The following MARS1 variants were observed in gnomAD, a reference collection of about 807,000 sequenced individuals.
MARS1 encodes the protein methionine--tRNA ligase, cytoplasmic.
A neutral mutation model predicts 119.5 loss-of-function variants in MARS1; 80 were observed. That is an observed-to-expected ratio of 0.67 (90% confidence interval 0.56 to 0.81). MARS1 has a LOEUF of 0.81. Among genes scored for constraint, MARS1 ranks in the 30% least tolerant of loss-of-function variants. The pLI, the probability that MARS1 is intolerant of heterozygous loss-of-function variation, is 0.00. For synonymous variants in MARS1, 418 were observed against 433.4 expected, an observed-to-expected ratio of 0.96 and a Z score of 0.44; for missense variants, 945 against 1,116.5, an observed-to-expected ratio of 0.85 and a Z score of 2.19.
chr12:57,506,664 C>T (rs986365943), intron 11 of MARS1, among the ~76,000 whole-genome samples: 5 of 152,072 alleles, frequency 3.3e-5, no homozygotes, highest in African/African-American at 1.2e-4. Context: ...TATGAGCAGT[C>T]TGGGAATACA....
chr12:57,515,912 T>A lies in MARS1; in HGVS notation c.2392-8T>A, dbSNP rs754886014. On this transcript the variant is annotated splice_region_variant and splice_polypyrimidine_tract_variant and intron_variant, in intron 18 of 20. Transcript: ENST00000262027. Reference sequence around the variant, plus strand: ...TCAGTAGATGATTCTGGAACTCTTTTTTTACAGGTCAGTCCCTTGTTCCAA... The same window carrying A: ...TCAGTAGATGATTCTGGAACTCTTTATTTACAGGTCAGTCCCTTGTTCCAA... The A allele has an allele frequency of 3.7e-6, 6 of 1,612,070 alleles. No homozygotes were observed. The highest frequency in any genetic ancestry group is 2.2e-5 in the East Asian group (1 of 44,870).
intron 11 of MARS1, among the ~76,000 whole-genome samples, chr12:57,510,604 TAA>T (rs767292746): frequency 7.0e-6 from 1 of 141,888 alleles, no homozygotes; most frequent in Non-Finnish European, 1.6e-5. Flanking sequence ...CACCCTACCT[TAA>T]AAAAAAAAAA....
At chr12:57,488,766 T>A in intron 1 of MARS1, 2 of 1,057,564 alleles carry the variant, frequency 1.9e-6, no homozygotes, top group Non-Finnish European at 1.4e-6. Flanking sequence ...GCTGCAGCAC[T>A]ATCCCAATAC....
intron 11 of MARS1, among the ~76,000 whole-genome samples, chr12:57,508,693 A>AG (rs371859816): frequency 7.6e-4 from 13 of 16,996 alleles, no homozygotes; most frequent in East Asian, 1.5e-3. Flanking sequence ...GTAGAGGTAG[A>AG]GGTAGAGGTA....
chr12:57,488,251 C>T (rs1169323318), intron 1 of MARS1, 52 bp downstream of exon 1: 2 of 1,528,826 alleles, frequency 1.3e-6, no homozygotes, highest in African/African-American at 1.4e-5. Context: ...GACCGAAACA[C>T]GCCAGATTCT....
chr12:57,506,606 G>A (rs1368159102), intron 11 of MARS1, among the ~76,000 whole-genome samples: 1 of 152,156 alleles, frequency 6.6e-6, no homozygotes, highest in Non-Finnish European at 1.5e-5. Context: ...TTGGTCAGGT[G>A]TTATTCAATT....
At chr12:57,494,144 C>A (rs1024948602) in intron 7 of MARS1, among the ~76,000 whole-genome samples, 1 of 145,872 alleles carries the variant, frequency 6.9e-6, no homozygotes, top group Non-Finnish European at 1.5e-5. Flanking sequence ...TTGGTAGAGA[C>A]AAGGTTTCAC....
At chr12:57,499,284 C>CAA (rs35924774) in intron 9 of MARS1, among the ~76,000 whole-genome samples, 100 of 37,316 alleles carry the variant, frequency 2.7e-3, no homozygotes, top group East Asian at 5.8e-3. Context: ...AACTCTGTCT[C>CAA]AAAAAAAAAA....
chr12:57,491,075 C>G (rs1875928314), intron 7 of MARS1, among the ~76,000 whole-genome samples: 2 of 151,818 alleles, frequency 1.3e-5, no homozygotes, highest in Admixed American at 6.6e-5. Flanking sequence ...CACCATGTTG[C>G]CCAGACAGGC....
chr12:57,511,931 A>G, intron 12 of MARS1, 63 bp downstream of exon 12: 1 of 1,606,976 alleles, frequency 6.2e-7, no homozygotes. Flanking sequence ...CTAGCAGAGT[A>G]GACTGCTGAT....
chr12:57,488,446 C>T, intron 1 of MARS1: 1 of 957,980 alleles, frequency 1.0e-6, no homozygotes, highest in Non-Finnish European at 1.6e-6. Context: ...CCGGTCCCCG[C>T]CTCACCCCAG....
intron 9 of MARS1, among the ~76,000 whole-genome samples, chr12:57,499,955 G>A (rs1194516892): frequency 1.3e-5 from 2 of 152,200 alleles, no homozygotes; most frequent in African/African-American, 4.8e-5. Flanking sequence ...CCAACTGATA[G>A]TGCTATGCAG....
rs563778768 is a variant in MARS1 at position 57,512,229 on chromosome 12, C to G, written c.1636-7C>G. ...TCAGGAAATCTCTCCTAACCACATTCCCCTAGGTGGACCTGTATCAGTTCA... is the reference window on the plus strand; with the variant it reads ...TCAGGAAATCTCTCCTAACCACATTGCCCTAGGTGGACCTGTATCAGTTCA... On this transcript the variant is annotated splice_polypyrimidine_tract_variant and splice_region_variant and intron_variant, in intron 13 of 20. Coordinates refer to ENST00000262027, the MANE Select transcript of MARS1 (RefSeq NM_004990.4). The G allele has an allele frequency of 8.1e-6, 13 of 1,611,654 alleles. No homozygotes were observed. The highest frequency in any genetic ancestry group is 1.7e-4 in the Middle Eastern group (1 of 6,058).
intron 11 of MARS1, among the ~76,000 whole-genome samples, chr12:57,508,373 T>C (rs1254220303): frequency 1.3e-5 from 2 of 152,184 alleles, no homozygotes; most frequent in African/African-American, 4.8e-5. Flanking sequence ...TGGGCACCAT[T>C]GAGCACTGAG....
In MARS1 at chr12:57,500,343, C is replaced by A. The variant is rs1876862219; in HGVS notation, c.1114C>A (p.Gln372Lys). 1 of 1,614,048 alleles carries A rather than the reference C, an allele frequency of 6.2e-7. No homozygotes were observed. The highest frequency in any genetic ancestry group is 1.3e-5 in the African/African-American group (1 of 74,928). ...CAGAATCACCCAGGACATTTTCCAGCAGTTGCTGAAACGAGGTTTTGTGCT... is the reference window on the plus strand; with the variant it reads ...CAGAATCACCCAGGACATTTTCCAGAAGTTGCTGAAACGAGGTTTTGTGCT... ...QTKITQDIFQQLLKRGFVLQD... is the reference protein window; with the variant it reads ...QTKITQDIFQKLLKRGFVLQD... Residue 372 changes from glutamine to lysine, a missense_variant, in exon 10 of 21, where the codon CAG becomes AAG. Coordinates refer to ENST00000262027, the MANE Select transcript of MARS1 (RefSeq NM_004990.4).
At chr12:57,504,413 A>G in intron 11 of MARS1, 114 bp downstream of exon 11, 1 of 825,584 alleles carries the variant, frequency 1.2e-6, no homozygotes, top group East Asian at 2.5e-5. Context: ...TCCATTAAGA[A>G]TTGTACATAC....
chr12:57,509,300 T>G (rs1709871), intron 11 of MARS1, among the ~76,000 whole-genome samples: 26,231 of 152,168 alleles, frequency 0.17, 2,446 homozygotes, highest in East Asian at 0.27. Flanking sequence ...TTTAATTTAG[T>G]AGGGAACAGT....
chr12:57,513,055 T>C (rs1877602520), intron 15 of MARS1, 91 bp downstream of exon 15: 4 of 1,076,116 alleles, frequency 3.7e-6, no homozygotes, highest in Non-Finnish European at 5.7e-6. Context: ...AACTAGAAAA[T>C]GGGCAGGAGG....
chr12:57,508,526 C>T (rs1459887030), intron 11 of MARS1, among the ~76,000 whole-genome samples: 3 of 152,252 alleles, frequency 2.0e-5, no homozygotes, highest in Non-Finnish European at 2.9e-5. Context: ...TCAGGCGTGG[C>T]GGCACGCGCC....
Sources: allele counts gnomAD v4.1 joint callset (sites outside exome capture counted in the v4.1 genomes callset), GRCh38; gene constraint gnomAD v4.1.1; transcripts MANE v1.5; gene names NCBI Gene and HGNC (gene_info 2026-07-23, HGNC 2026-07-21).